Variants in SEMA5A observed in about 807,000 individuals in gnomAD.
The protein encoded by SEMA5A is semaphorin-5A.
A neutral mutation model predicts 135.5 loss-of-function variants in SEMA5A; 55 were observed. The observed-to-expected ratio is 0.41, with a 90% CI of 0.33 to 0.51. The LOEUF (loss-of-function observed/expected upper bound fraction) is 0.51. Among genes scored for constraint, SEMA5A ranks in the 20% least tolerant of loss-of-function variants. The pLI is 0.37. For missense variants in SEMA5A, 1,290 were observed against 1,419.9 expected (o/e 0.91, Z 1.47); for synonymous variants, 580 against 546.5 (o/e 1.06, Z -0.85).
chr5:9,037,320 C>CCAT lies in SEMA5A; in HGVS notation c.*5574_*5576dup, dbSNP rs1735706161. On this transcript the variant is annotated 3_prime_UTR_variant, in exon 23 of 23. Transcript: ENST00000382496. ...TATGGCAGATATGAGCTAATATGAT[C>CCAT]CATCAAAAAGGCTGTGTTTTGAGAC... 6.6e-6 allele frequency: 1 copy of CCAT among 152,136 alleles called. No homozygotes were observed. 9.4% of individuals were successfully genotyped at this position (152,136 alleles called of 1,614,324 possible). A position where few individuals can be genotyped will look rare whatever the true frequency, so the allele number is the denominator to read the frequency against.
chr5:9,153,178 G>T (rs1042556205), intron 12 of SEMA5A, among the ~76,000 whole-genome samples: 2 of 152,060 alleles, frequency 1.3e-5, no homozygotes, highest in African/African-American at 4.8e-5. Flanking sequence ...CCTGTGTAGG[G>T]TAGATGTCTG....
At chr5:9,108,109 G>T (rs1419737635) in intron 16 of SEMA5A, 31 bp downstream of exon 16, 2 of 1,606,630 alleles carry the variant, frequency 1.2e-6, no homozygotes, top group African/African-American at 2.7e-5. Context: ...GTTCTGGATT[G>T]TGGGCTGGGT....
At chr5:9,226,996 A>AAT (rs146979886) in intron 6 of SEMA5A, 29 bp from the exon 7 acceptor site, 113,629 of 1,055,832 alleles carry the variant, frequency 0.11, 5,170 homozygotes, top group Middle Eastern at 0.18. Flanking sequence ...ATTAATTAAA[A>AAT]ATATATATAT....
intron 12 of SEMA5A, among the ~76,000 whole-genome samples, chr5:9,139,955 TAAAC>T (rs10572575): frequency 0.13 from 19,883 of 152,030 alleles, 1,718 homozygotes; most frequent in Non-Finnish European, 0.19. Flanking sequence ...CTCCTCCTCA[TAAAC>T]AAACAAACAA....
At chr5:9,484,569 A>C (rs145461295) in intron 1 of SEMA5A, among the ~76,000 whole-genome samples, 124 of 152,332 alleles carry the variant, frequency 8.1e-4, no homozygotes, top group Admixed American at 1.4e-3. Flanking sequence ...AACTCTGTAG[A>C]GTTTATGGTA....
chr5:9,443,695 C>T (rs140879221), intron 1 of SEMA5A, among the ~76,000 whole-genome samples: 16 of 152,342 alleles, frequency 1.1e-4, no homozygotes, highest in East Asian at 5.8e-4. Context: ...ATGGTTCTCA[C>T]GCCTGCATTA....
chr5:9,490,076 T>C (rs570607969), intron 1 of SEMA5A, among the ~76,000 whole-genome samples: 24 of 152,308 alleles, frequency 1.6e-4, no homozygotes, highest in African/African-American at 5.8e-4. Flanking sequence ...TTGGTGAGGC[T>C]ATGCAGGTAA....
chr5:9,486,249 C>A (rs1734719698), intron 1 of SEMA5A, among the ~76,000 whole-genome samples: 1 of 151,976 alleles, frequency 6.6e-6, no homozygotes, highest in South Asian at 2.1e-4. Flanking sequence ...GGAGGGGGAA[C>A]AACACACACA....
At chr5:9,210,116 G>T (rs1433908184) in intron 8 of SEMA5A, among the ~76,000 whole-genome samples, 1 of 152,198 alleles carries the variant, frequency 6.6e-6, no homozygotes, top group African/African-American at 2.4e-5. Flanking sequence ...TGTATATACA[G>T]TTCATGCAAG....
intron 5 of SEMA5A, among the ~76,000 whole-genome samples, chr5:9,299,215 T>C (rs1751489851): frequency 6.6e-6 from 1 of 152,166 alleles, no homozygotes; most frequent in Non-Finnish European, 1.5e-5. Flanking sequence ...GGTCTAATCC[T>C]GTTGGAATGG....
intron 1 of SEMA5A, among the ~76,000 whole-genome samples, chr5:9,438,060 T>C (rs887933274): frequency 4.0e-4 from 61 of 152,212 alleles, no homozygotes; most frequent in Admixed American, 3.9e-3. Flanking sequence ...TGGATTCTTT[T>C]TCTTCAGAAA....
rs1335981249 is a variant in SEMA5A at position 9,281,376 on chromosome 5, G to GC, written c.270+36995dup. 3.3e-5 allele frequency among the ~76,000 whole-genome samples: 5 copies of GC among 151,942 alleles called. No individual in the cohort carries two copies. The East Asian group carries it at 7.7e-4, about 23-fold the overall frequency. ...GTGGTCCCCAAATAGGGATAGTTTT[G>GC]CCCCCCCAGGGGACATTCAGCAGTG... On this transcript the variant is annotated intron_variant, in intron 5 of 22. Transcript: ENST00000382496.
At chr5:9,322,779 G>T (rs1036624899) in intron 4 of SEMA5A, among the ~76,000 whole-genome samples, 3 of 152,016 alleles carry the variant, frequency 2.0e-5, no homozygotes, top group Admixed American at 1.3e-4. Flanking sequence ...ATGCCTCAAG[G>T]CCCCACCTAT....
intron 3 of SEMA5A, among the ~76,000 whole-genome samples, chr5:9,370,562 A>C (rs1030405174): frequency 3.3e-5 from 5 of 152,258 alleles, no homozygotes; most frequent in African/African-American, 4.8e-5. Context: ...TAAAGAATAA[A>C]GCTAGAGATT....
intron 1 of SEMA5A, among the ~76,000 whole-genome samples, chr5:9,503,525 C>A (rs1735700694): frequency 6.6e-6 from 1 of 152,224 alleles, no homozygotes; most frequent in African/African-American, 2.4e-5. Context: ...TGCTACTGAG[C>A]AGATTCATCC....
intron 5 of SEMA5A, among the ~76,000 whole-genome samples, chr5:9,289,939 T>C (rs942132749): frequency 6.6e-6 from 1 of 152,250 alleles, no homozygotes; most frequent in African/African-American, 2.4e-5. Context: ...TCTAAATTTA[T>C]ATATTTAAAA....
At chr5:9,097,671 G>T (rs1739393854) in intron 16 of SEMA5A, among the ~76,000 whole-genome samples, 1 of 152,028 alleles carries the variant, frequency 6.6e-6, no homozygotes, top group African/African-American at 2.4e-5. Flanking sequence ...GTTTCAGATT[G>T]GGATCCTGGG....
chr5:9,408,384 C>A (rs919567517), intron 2 of SEMA5A, among the ~76,000 whole-genome samples: 2 of 152,220 alleles, frequency 1.3e-5, no homozygotes, highest in Non-Finnish European at 2.9e-5. Flanking sequence ...AATTCCAGAA[C>A]TTTCTGAAGT....
chr5:9,328,766 A>G (rs1297436537), intron 4 of SEMA5A, among the ~76,000 whole-genome samples: 3 of 152,130 alleles, frequency 2.0e-5, no homozygotes, highest in Non-Finnish European at 2.9e-5. Context: ...CCTGGGCAAC[A>G]AGAGTGATGC....
Sources: allele counts gnomAD v4.1 joint callset (sites outside exome capture counted in the v4.1 genomes callset), GRCh38; gene constraint gnomAD v4.1.1; transcripts MANE v1.5; gene names NCBI Gene and HGNC (gene_info 2026-07-23, HGNC 2026-07-21).